Variants in VAV3 observed in about 807,000 individuals in gnomAD.
VAV3 encodes vav guanine nucleotide exchange factor 3, also known as guanine nucleotide exchange factor VAV3.
VAV3 carries 94 observed loss-of-function variants against 131.2 expected under a neutral mutation model. The observed-to-expected ratio is 0.72, with a 90% CI of 0.61 to 0.85. The LOEUF is 0.85. Ranked by LOEUF, VAV3 falls within the 40% of genes least tolerant of loss-of-function variation. The pLI is 0.00. For synonymous variants in VAV3, 349 were observed against 342.0 expected (o/e 1.02, Z -0.22); for missense variants, 939 against 1,002.7 (o/e 0.94, Z 0.86).
intron 4 of VAV3, among the ~76,000 whole-genome samples, chr1:107,775,807 C>T (rs1665323772): frequency 6.6e-6 from 1 of 152,032 alleles, no homozygotes; most frequent in African/African-American, 2.4e-5. Context: ...ACTGAAAGAT[C>T]ATTCTCAAGG....
chr1:107,737,872 T>C (rs1662761505), intron 15 of VAV3, among the ~76,000 whole-genome samples: 1 of 152,192 alleles, frequency 6.6e-6, no homozygotes. Flanking sequence ...CCCAAAGGAT[T>C]ATAAATCATG....
intron 3 of VAV3, among the ~76,000 whole-genome samples, chr1:107,778,242 T>C (rs889504512): frequency 6.6e-6 from 1 of 152,160 alleles, no homozygotes; most frequent in African/African-American, 2.4e-5. Flanking sequence ...GTTTTTCAAA[T>C]AAATCAGTGT....
intron 2 of VAV3, among the ~76,000 whole-genome samples, chr1:107,795,882 AG>A (rs757182971): frequency 2.0e-5 from 3 of 152,180 alleles, no homozygotes; most frequent in Non-Finnish European, 4.4e-5. Context: ...CTTATTAGAA[AG>A]TAATGGACCG....
At chr1:107,659,567 T>C (rs993542684) in intron 19 of VAV3, among the ~76,000 whole-genome samples, 1 of 152,206 alleles carries the variant, frequency 6.6e-6, no homozygotes, top group African/African-American at 2.4e-5. Context: ...TTTATTTTTA[T>C]TTAACTATAT....
At chr1:107,892,441 C>T (rs2101063772) in intron 1 of VAV3, among the ~76,000 whole-genome samples, 1 of 152,272 alleles carries the variant, frequency 6.6e-6, no homozygotes. Context: ...CAGCTTTTAA[C>T]CTGAAGGAGT....
chr1:107,740,154 T>C (rs532138990), intron 15 of VAV3, among the ~76,000 whole-genome samples: 34 of 152,154 alleles, frequency 2.2e-4, no homozygotes, highest in Non-Finnish European at 2.2e-4. Context: ...GGGTGTGGTG[T>C]TGCGTGCCTA....
intron 2 of VAV3, among the ~76,000 whole-genome samples, chr1:107,851,049 G>A (rs1325321157): frequency 1.3e-5 from 2 of 151,926 alleles, no homozygotes; most frequent in East Asian, 1.9e-4. Context: ...ACAAGACAGA[G>A]CTGAGAAGAA....
At position 107,652,654 on chromosome 1, in the gene VAV3, AT is replaced by A. The variant is rs569832307; in HGVS notation, c.1778-9900del. ...ATATATTTATATTGCCTAAATTTGT[AT>A]GATAAACATTTATTTTCATAGCCAA... On this transcript the variant is annotated intron_variant, in intron 19 of 26. Coordinates refer to ENST00000370056, the MANE Select transcript of VAV3 (RefSeq NM_006113.5). Among the ~76,000 whole-genome samples the A allele has an allele frequency of 1.6e-3, 243 of 152,248 alleles. 1 individual carries two copies. The highest frequency in any genetic ancestry group is 5.6e-3 in the African/African-American group (234 of 41,550).
chr1:107,573,690 CCCATTCTTT>C (rs1480137806), intron 26 of VAV3, among the ~76,000 whole-genome samples: 1 of 152,114 alleles, frequency 6.6e-6, no homozygotes, highest in Non-Finnish European at 1.5e-5. Flanking sequence ...GGTACTATGT[CCCATTCTTT>C]CCAATTTACA....
intron 2 of VAV3, chr1:107,785,555 A>C (rs1254546582): frequency 8.1e-7 from 1 of 1,239,960 alleles, no homozygotes; most frequent in African/African-American, 1.6e-5. Context: ...ACGGCATCAC[A>C]CCCCTACAAC....
intron 20 of VAV3, among the ~76,000 whole-genome samples, chr1:107,636,386 A>C (rs1050495054): frequency 6.6e-6 from 1 of 152,224 alleles, no homozygotes; most frequent in African/African-American, 2.4e-5. Context: ...CTATAAGAAG[A>C]AACTGAAAGA....
intron 2 of VAV3, among the ~76,000 whole-genome samples, chr1:107,840,621 C>T (rs1439209552): frequency 1.3e-5 from 2 of 151,954 alleles, no homozygotes; most frequent in African/African-American, 2.4e-5. Flanking sequence ...TCAAAGTTAA[C>T]GTTCTTAACG....
chr1:107,711,608 A>G (rs1024090541), intron 15 of VAV3, among the ~76,000 whole-genome samples: 36 of 152,248 alleles, frequency 2.4e-4, no homozygotes, highest in African/African-American at 8.4e-4. Context: ...TTTCTGCATG[A>G]AAATGTCTAA....
At chr1:107,662,213 C>A (rs548876904) in intron 19 of VAV3, among the ~76,000 whole-genome samples, 2 of 152,216 alleles carry the variant, frequency 1.3e-5, no homozygotes, top group East Asian at 3.9e-4. Context: ...TATCCCCACA[C>A]GACATGAATA....
rs762497588 is a variant in VAV3 at position 107,602,444 on chromosome 1, C to T, written c.2173G>A (p.Asp725Asn). The T allele has an allele frequency of 4.4e-6, 7 of 1,574,924 alleles. No homozygotes were observed. Among genetic ancestry groups the T allele is most frequent in the Non-Finnish European group, 6.0e-6 (7 of 1,167,552 alleles). ...TTTTCTGCAATGTGAAAAAAGCCAT[C>T]TCTTGTTAAAATCTTGATGTGCTTT... ...EAKHIKILTR[D>N]GFFHIAENRK... Residue 725 changes from aspartate to asparagine, a missense_variant, in exon 24 of 27, where the codon GAT (aspartate) becomes AAT (asparagine). By Grantham distance (23) the Asp-to-Asn change is conservative (BLOSUM62 1). Coordinates refer to ENST00000370056, the MANE Select transcript of VAV3 (RefSeq NM_006113.5).
chr1:107,834,128 CATT>C (rs1212866544), intron 2 of VAV3, among the ~76,000 whole-genome samples: 2 of 152,202 alleles, frequency 1.3e-5, no homozygotes, highest in Non-Finnish European at 2.9e-5. Flanking sequence ...CTTGTTTTCT[CATT>C]ATGCAATTTT....
At chr1:107,865,974 A>G (rs1179389582) in intron 2 of VAV3, among the ~76,000 whole-genome samples, 1 of 152,134 alleles carries the variant, frequency 6.6e-6, no homozygotes, top group Non-Finnish European at 1.5e-5. Flanking sequence ...GAAAAAGGGA[A>G]AAAGTCTCAG....
chr1:107,573,089 G>A lies in VAV3; in HGVS notation c.*242C>T. ...AAGAACAGCTCTTGGTTTTGCCCTG[G>A]TCCCTGACAATGACAGACTGGCAGG... On this transcript the variant is annotated 3_prime_UTR_variant, in exon 27 of 27. Coordinates refer to ENST00000370056, the MANE Select transcript of VAV3 (RefSeq NM_006113.5). 2.1e-6 allele frequency: 1 copy of A among 481,352 alleles called. No individual in the cohort carries two copies. The highest frequency in any genetic ancestry group is 3.9e-5 in the Admixed American group (1 of 25,354). The allele number at this position is 481,352 out of a possible 1,614,324, so 29.8% of individuals were successfully genotyped here.
chr1:107,831,200 T>C (rs1668232921), intron 2 of VAV3, among the ~76,000 whole-genome samples: 1 of 152,166 alleles, frequency 6.6e-6, no homozygotes, highest in South Asian at 2.1e-4. Context: ...CTTTTCAGTA[T>C]AGTCTTTTAA....
Sources: allele counts gnomAD v4.1 joint callset (sites outside exome capture counted in the v4.1 genomes callset), GRCh38; gene constraint gnomAD v4.1.1; transcripts MANE v1.5; gene names NCBI Gene and HGNC (gene_info 2026-07-23, HGNC 2026-07-21).